TMEM182: variants seen among roughly 807,000 people sequenced by gnomAD.
TMEM182 encodes the protein transmembrane protein 182.
Under a neutral mutation model 26.8 loss-of-function variants are expected in TMEM182, and 20 were observed. That is an observed-to-expected ratio of 0.75 (90% CI 0.53 to 1.09). The LOEUF is 1.09. TMEM182 is among the 50% of genes least tolerant of loss of function. TMEM182 has a pLI of 0.00. For synonymous variants in TMEM182, 109 were observed against 102.2 expected (o/e 1.07, Z -0.40); for missense variants, 277 against 275.5 (o/e 1.01, Z -0.04).
intron 3 of TMEM182, among the ~76,000 whole-genome samples, chr2:102,823,899 C>T (rs984635901): frequency 3.3e-5 from 5 of 152,248 alleles, no homozygotes; most frequent in East Asian, 1.9e-4. Flanking sequence ...AATCAAAAGG[C>T]GTATCATAAT....
In TMEM182 at chr2:102,815,446, G is replaced by A. The variant is rs1188669897; in HGVS notation, c.*478G>A. 1.0e-6 allele frequency: 1 copy of A among 987,984 alleles called. No individual in the cohort carries two copies. Among genetic ancestry groups the A allele is most frequent in the Non-Finnish European group, 1.2e-6 (1 of 831,866 alleles). The allele number at this position is 987,984 out of a possible 1,614,324, so 61.2% of individuals were successfully genotyped here. A position where few individuals can be genotyped will look rare whatever the true frequency, so the allele number is the denominator to read the frequency against. On this transcript the variant is annotated 3_prime_UTR_variant, in exon 5 of 5. Transcript: ENST00000412401. ...TCCACATACACATTCACTGGCTCTT[G>A]TGAGCAAATGAATTTAAAAATAGAC...
At chr2:102,751,639 A>C (rs901106688) in intron 1 of TMEM182, among the ~76,000 whole-genome samples, 1 of 151,862 alleles carries the variant, frequency 6.6e-6, no homozygotes, top group Non-Finnish European at 1.5e-5. Context: ...TACCCTCACT[A>C]TCTGCTACAT....
Position 102,740,891 on chromosome 2 carries a change from A to T in TMEM182, c.-83+3878A>T, listed in dbSNP as rs374302773. 3.3e-5 allele frequency among the ~76,000 whole-genome samples: 5 copies of T among 152,242 alleles called. No individual in the cohort carries two copies. In the South Asian group the frequency reaches 8.3e-4, roughly 25 times the overall value. ...AGTATAATTAGCAATAAAAATAATG[A>T]ACTCTCAATTTCTATAACAACATGG... On this transcript the variant is annotated intron_variant, in intron 1 of 5. Transcript: ENST00000409173.
chr2:102,840,033 C>G (rs1208996412), intron 3 of TMEM182, among the ~76,000 whole-genome samples: 1 of 152,212 alleles, frequency 6.6e-6, no homozygotes, highest in African/African-American at 2.4e-5. Flanking sequence ...TGAGAAGTAG[C>G]TCTGAGTGCC....
At chr2:102,797,054 A>G (rs1681900572) in intron 3 of TMEM182, among the ~76,000 whole-genome samples, 1 of 152,216 alleles carries the variant, frequency 6.6e-6, no homozygotes, top group Admixed American at 6.5e-5. Flanking sequence ...CTCAAAAATG[A>G]TCGTTAGAAT....
intron 3 of TMEM182, among the ~76,000 whole-genome samples, chr2:102,772,116 A>G (rs1043459435): frequency 4.1e-4 from 63 of 152,290 alleles, no homozygotes; most frequent in African/African-American, 1.5e-3. Flanking sequence ...GCCTTCTTTC[A>G]TGCAGGGTAT....
intron 3 of TMEM182, among the ~76,000 whole-genome samples, chr2:102,794,568 G>A (rs551534790): frequency 6.6e-6 from 1 of 152,270 alleles, no homozygotes; most frequent in African/African-American, 2.4e-5. Context: ...TTCACCACGT[G>A]CAGAATTTTA....
intron 1 of TMEM182, among the ~76,000 whole-genome samples, chr2:102,746,455 T>A (rs1473676599): frequency 6.6e-6 from 1 of 152,230 alleles, no homozygotes; most frequent in East Asian, 1.9e-4. Flanking sequence ...AGTTTATCTA[T>A]ATTTTGTTAC....
chr2:102,802,612 A>T (rs562537462), intron 4 of TMEM182, among the ~76,000 whole-genome samples: 9 of 152,310 alleles, frequency 5.9e-5, no homozygotes, highest in South Asian at 4.1e-4. Flanking sequence ...GTGGCATTGG[A>T]TGTGATAGGA....
chr2:102,778,907 AT>A (rs1390482838), intron 3 of TMEM182, among the ~76,000 whole-genome samples: 3 of 152,026 alleles, frequency 2.0e-5, no homozygotes, highest in African/African-American at 7.2e-5. Flanking sequence ...TATATATTGT[AT>A]TTACCCATAT....
At chr2:102,811,058 CAAAAAAA>C (rs10629082) in intron 4 of TMEM182, among the ~76,000 whole-genome samples, 5 of 94,466 alleles carry the variant, frequency 5.3e-5, no homozygotes, top group South Asian at 4.5e-4. Flanking sequence ...TCCTCTATAG[CAAAAAAA>C]AAAAAAAAAA....
At chr2:102,755,620 A>T (rs141808453) in intron 1 of TMEM182, among the ~76,000 whole-genome samples, 1 of 152,360 alleles carries the variant, frequency 6.6e-6, no homozygotes, top group Non-Finnish European at 1.5e-5. Flanking sequence ...ATCAAGATTT[A>T]TAGTGTCTTT....
chr2:102,753,907 C>T (rs1287269005), intron 1 of TMEM182, among the ~76,000 whole-genome samples: 1 of 152,088 alleles, frequency 6.6e-6, no homozygotes, highest in Non-Finnish European at 1.5e-5. Context: ...ATTTGTTGTT[C>T]TTGTACTATA....
chr2:102,793,602 A>G lies in TMEM182; in HGVS notation c.332-4261A>G, dbSNP rs142094748. Among the ~76,000 whole-genome samples the G allele has an allele frequency of 8.0e-3, 1,218 of 152,336 alleles. 19 individuals are homozygous for G. Among genetic ancestry groups the G allele is most frequent in the African/African-American group, 0.027 (1,132 of 41,562 alleles). On this transcript the variant is annotated intron_variant, in intron 3 of 4. Transcript: ENST00000412401. The stretch of plus-strand genomic sequence containing the variant: ...ATATAAAATGGCATAGTATTTGCAT[A>G]TAACTTATGCACATCCTCCTGTATA...
intron 4 of TMEM182, among the ~76,000 whole-genome samples, chr2:102,803,737 C>T (rs542356798): frequency 6.6e-6 from 1 of 152,304 alleles, no homozygotes; most frequent in East Asian, 1.9e-4. Flanking sequence ...ATGTTTTCCT[C>T]CAGGTAAAGG....
Position 102,809,471 on chromosome 2 carries a change from C to T in TMEM182, c.470-5277C>T, listed in dbSNP as rs192050052. ...ATTTTTTCTTTGATTCTATACTTAG[C>T]ACAAATGTGACCTGCTGCCTTCTAG... On this transcript the variant is annotated intron_variant, in intron 4 of 4. Coordinates refer to ENST00000412401, the MANE Select transcript of TMEM182 (RefSeq NM_144632.5). Among the ~76,000 whole-genome samples, 7 of 152,322 alleles carry T rather than the reference C, an allele frequency of 4.6e-5. No homozygotes were observed. The East Asian group carries it at 1.4e-3, about 29-fold the overall frequency.
At chr2:102,805,511 T>C (rs1379349441) in intron 4 of TMEM182, among the ~76,000 whole-genome samples, 1 of 152,050 alleles carries the variant, frequency 6.6e-6, no homozygotes, top group Non-Finnish European at 1.5e-5. Flanking sequence ...CCTGCCCAGA[T>C]AAATCACCAT....
upstream of TMEM182, among the ~76,000 whole-genome samples, chr2:102,757,100 G>A (rs557654428): frequency 5.3e-5 from 8 of 152,166 alleles, no homozygotes; most frequent in South Asian, 1.7e-3. Flanking sequence ...GTGAGCCACC[G>A]GGCCTGGCCA....
chr2:102,789,262 A>G (rs1215056976), intron 3 of TMEM182, among the ~76,000 whole-genome samples: 1 of 152,232 alleles, frequency 6.6e-6, no homozygotes, highest in East Asian at 1.9e-4. Flanking sequence ...AAAAATGAAT[A>G]ACACTTAAGT....
Sources: gnomAD v4.1 joint callset for allele counts (sites outside exome capture counted in the v4.1 genomes callset) on GRCh38, gnomAD v4.1.1 for gene constraint, MANE v1.5 for transcripts, NCBI Gene and HGNC (gene_info 2026-07-23, HGNC 2026-07-21) for gene names.